Variants in EPB41L4B observed in about 807,000 individuals in gnomAD.
EPB41L4B encodes the protein band 4.1-like protein 4B.
In EPB41L4B, 30 loss-of-function variants were observed where a neutral mutation model predicts 112.5. The observed-to-expected ratio is 0.27, with a 90% CI of 0.20 to 0.36. The LOEUF is 0.36. Ranked by LOEUF, EPB41L4B falls within the 10% of genes least tolerant of loss-of-function variation. The pLI is 1.00. For missense variants in EPB41L4B, 1,024 were observed against 1,133.3 expected (o/e 0.90, Z 1.38); for synonymous variants, 408 against 439.7 (o/e 0.93, Z 0.90).
chr9:109,178,761 C>G (rs926507092), intron 24 of EPB41L4B, among the ~76,000 whole-genome samples: 1 of 151,424 alleles, frequency 6.6e-6, no homozygotes, highest in Non-Finnish European at 1.5e-5. Context: ...ATTTTTTATT[C>G]TTTCTGAAAA....
intron 24 of EPB41L4B, among the ~76,000 whole-genome samples, chr9:109,177,909 CCTCTCTTT>C (rs1335343045): frequency 6.6e-6 from 1 of 151,738 alleles, no homozygotes; most frequent in Non-Finnish European, 1.5e-5. Context: ...TCTCTCTCTT[CCTCTCTTT>C]CTCTCTCTCT....
intron 5 of EPB41L4B, among the ~76,000 whole-genome samples, chr9:109,264,690 G>C (rs574937775): frequency 2.6e-5 from 4 of 152,140 alleles, no homozygotes; most frequent in South Asian, 2.1e-4. Context: ...TTGCAAATAC[G>C]ACAAAAGCCA....
intron 2 of EPB41L4B, among the ~76,000 whole-genome samples, chr9:109,268,883 C>T (rs1292182842): frequency 1.9e-5 from 2 of 105,938 alleles, no homozygotes; most frequent in African/African-American, 7.4e-5. Flanking sequence ...GGCGACAGAG[C>T]GAAACTCCGT....
At chr9:109,178,280 T>G (rs1025883906) in intron 24 of EPB41L4B, among the ~76,000 whole-genome samples, 1 of 152,176 alleles carries the variant, frequency 6.6e-6, no homozygotes, top group Non-Finnish European at 1.5e-5. Flanking sequence ...CAGCTATATA[T>G]TTTATAACTA....
intron 12 of EPB41L4B, 67 bp downstream of exon 12, chr9:109,253,374 G>A: frequency 9.0e-7 from 1 of 1,111,106 alleles, no homozygotes; most frequent in East Asian, 2.4e-5. Flanking sequence ...GCTTGACCAA[G>A]CTCCTCGAGG....
intron 22 of EPB41L4B, among the ~76,000 whole-genome samples, chr9:109,186,074 A>G (rs74851121): frequency 0.025 from 3,856 of 152,258 alleles, 75 homozygotes; most frequent in Non-Finnish European, 0.041. Context: ...TTTGCCTTCC[A>G]TGCTCAGTGC....
chr9:109,298,379 T>A (rs950049606), intron 1 of EPB41L4B, among the ~76,000 whole-genome samples: 4 of 149,886 alleles, frequency 2.7e-5, no homozygotes, highest in African/African-American at 9.8e-5. Flanking sequence ...AGTGGCGCAA[T>A]CTCGGCTCAC....
chr9:109,319,558 G>C (rs1299331593), intron 1 of EPB41L4B, among the ~76,000 whole-genome samples: 1 of 152,238 alleles, frequency 6.6e-6, no homozygotes, highest in African/African-American at 2.4e-5. Context: ...GAATGGGAAT[G>C]GGGTGTATCC....
intron 1 of EPB41L4B, among the ~76,000 whole-genome samples, chr9:109,298,442 T>C (rs1297796515): frequency 4.0e-5 from 6 of 151,860 alleles, no homozygotes; most frequent in Admixed American, 3.3e-4. Context: ...GCCTCCTGAG[T>C]AGCTGGGATT....
chr9:109,251,443 G>C (rs562871106), intron 13 of EPB41L4B, 38 bp downstream of exon 13: 1 of 1,590,986 alleles, frequency 6.3e-7, no homozygotes, highest in Admixed American at 1.7e-5. Flanking sequence ...ACGATCCTTA[G>C]AGAGGAGAGC....
Position 109,176,693 on chromosome 9 carries a change from C to G in EPB41L4B, c.2491G>C (p.Asp831His). The G allele has an allele frequency of 1.9e-6, 3 of 1,612,684 alleles. No homozygotes were observed. Among genetic ancestry groups the G allele is most frequent in the Non-Finnish European group, 2.5e-6 (3 of 1,179,654 alleles). The change falls in exon 25 of 26, where the codon GAC becomes CAC. Residue 831 changes from aspartate to histidine, a missense_variant. Physicochemically the swap from Asp to His is moderately conservative, Grantham distance 81 (BLOSUM62 -1). Coordinates refer to ENST00000374566, the MANE Select transcript of EPB41L4B (RefSeq NM_019114.5). ...CACTGTAATTTACTGTCTCTGAAGTCTGCCTGGAGAAGAAACAGGAAAGAG... is the reference window on the plus strand; with the variant it reads ...CACTGTAATTTACTGTCTCTGAAGTGTGCCTGGAGAAGAAACAGGAAAGAG... The part of the protein sequence containing the change: ...TFTTGPQFTA[D>H]FRDSKLQCCP...
chr9:109,313,450 G>A (rs992039631), intron 1 of EPB41L4B, among the ~76,000 whole-genome samples: 1 of 152,220 alleles, frequency 6.6e-6, no homozygotes, highest in African/African-American at 2.4e-5. Flanking sequence ...ACACCAGGAT[G>A]CTGCCCGGCT....
chr9:109,298,305 C>A (rs1836816793), intron 1 of EPB41L4B, among the ~76,000 whole-genome samples: 1 of 127,372 alleles, frequency 7.9e-6, no homozygotes, highest in Non-Finnish European at 1.6e-5. Flanking sequence ...ATTTCCCAAT[C>A]ATATATGCTT....
chr9:109,208,012 G>A lies in EPB41L4B; in HGVS notation c.1790C>T (p.Thr597Ile). ...EKKVSEKTLQ[T>I]PLLPSPVADH... ...CGCAACAGGGGAAGGCAAAAGTGGA[G>A]TCTGAAGAGTTTTCTCCGAGACTTT... Residue 597 changes from threonine to isoleucine, a missense_variant, in exon 18 of 26, where the codon ACT (threonine) becomes ATT (isoleucine). Physicochemically the swap from Thr to Ile is moderately conservative, Grantham distance 89. Coordinates refer to ENST00000374566, the MANE Select transcript of EPB41L4B (RefSeq NM_019114.5). 6.2e-7 allele frequency: 1 copy of A among 1,614,176 alleles called. No individual in the cohort carries two copies. The highest frequency in any genetic ancestry group is 8.5e-7 in the Non-Finnish European group (1 of 1,180,020).
chr9:109,223,567 A>G (rs1564277101), intron 15 of EPB41L4B, among the ~76,000 whole-genome samples: 1 of 152,206 alleles, frequency 6.6e-6, no homozygotes, highest in Non-Finnish European at 1.5e-5. Context: ...CAAAAAGCCA[A>G]TCACAGACTC....
intron 1 of EPB41L4B, among the ~76,000 whole-genome samples, chr9:109,292,926 G>A (rs1836587595): frequency 6.6e-6 from 1 of 152,192 alleles, no homozygotes; most frequent in Non-Finnish European, 1.5e-5. Context: ...GAGGCCACAA[G>A]CACGTGTGCC....
At position 109,243,607 on chromosome 9, in the gene EPB41L4B, C is replaced by G; in HGVS notation, c.1409+11G>C. On this transcript the variant is annotated intron_variant, in intron 15 of 25. Transcript: ENST00000374566. ...TTTCGAAGGTGCAGCTCTGGAAGCA[C>G]CAGCACTTACCTGACATTTGGAGAG... is the stretch of plus-strand genomic sequence containing the variant. 1 of 1,613,838 alleles carries G rather than the reference C, an allele frequency of 6.2e-7. No homozygotes were observed. The highest frequency in any genetic ancestry group is 8.5e-7 in the Non-Finnish European group (1 of 1,179,754).
At chr9:109,285,433 T>C (rs1442374840) in intron 1 of EPB41L4B, among the ~76,000 whole-genome samples, 2 of 152,182 alleles carry the variant, frequency 1.3e-5, no homozygotes, top group East Asian at 3.9e-4. Context: ...GGCTGGGGGA[T>C]AGGTATCATC....
intron 18 of EPB41L4B, among the ~76,000 whole-genome samples, chr9:109,205,285 CTG>C (rs1341784513): frequency 6.6e-6 from 1 of 152,168 alleles, no homozygotes; most frequent in Non-Finnish European, 1.5e-5. Flanking sequence ...TGCCCTTCCA[CTG>C]TGTCCTTTTG....
Sources: allele counts gnomAD v4.1 joint callset (sites outside exome capture counted in the v4.1 genomes callset), GRCh38; gene constraint gnomAD v4.1.1; transcripts MANE v1.5; gene names NCBI Gene and HGNC (gene_info 2026-07-23, HGNC 2026-07-21).